Variants in TRIB1 observed in about 807,000 individuals in gnomAD.
TRIB1 encodes the protein tribbles homolog 1.
In TRIB1, 12 loss-of-function variants were observed where a neutral mutation model predicts 27.8. That is an observed-to-expected ratio of 0.43 (90% confidence interval 0.28 to 0.70). The LOEUF (loss-of-function observed/expected upper bound fraction) is 0.70, where lower values mean the gene tolerates loss of function less well. TRIB1 is among the 30% of genes least tolerant of loss of function. TRIB1 has a pLI of 0.18. For missense variants in TRIB1, 475 were observed against 515.8 expected, an observed-to-expected ratio of 0.92 and a Z score of 0.77; for synonymous variants, 230 against 224.9, an observed-to-expected ratio of 1.02 and a Z score of -0.20.
chr8:125,436,760 C>A lies in TRIB1; in HGVS notation c.*289C>A. 2 of 478,616 alleles carry A rather than the reference C, an allele frequency of 4.2e-6. No homozygotes were observed. The highest frequency in any genetic ancestry group is 2.8e-5 in the South Asian group (1 of 35,962). 29.6% of individuals were successfully genotyped at this position (478,616 alleles called of 1,614,324 possible). ...TCTTTTGTGGAGGGCAGAGTATGGA[C>A]ATCTTACACCCGGTGGTCAAGTGTG... On this transcript the variant is annotated 3_prime_UTR_variant, in exon 3 of 3. Transcript: ENST00000311922.
Position 125,437,445 on chromosome 8 carries a change from G to A in TRIB1, c.*974G>A, listed in dbSNP as rs1814775021. 6.6e-6 allele frequency: 1 copy of A among 152,334 alleles called. No homozygotes were observed. The highest frequency in any genetic ancestry group is 2.1e-4 in the South Asian group (1 of 4,830). The allele number at this position is 152,334 out of a possible 1,614,324, so 9.4% of individuals were successfully genotyped here. The stretch of plus-strand genomic sequence containing the variant: ...CTTTGAAGAGAGTGAATTTTGGATA[G>A]TCTTGTGATTCTCAGACTAACTTCC... On this transcript the variant is annotated 3_prime_UTR_variant, in exon 3 of 3. Transcript: ENST00000311922.
In TRIB1 at chr8:125,437,458, C is replaced by T. The variant is rs955041088; in HGVS notation, c.*987C>T. 1.3e-5 allele frequency: 2 copies of T among 152,314 alleles called. No individual in the cohort carries two copies. The highest frequency in any genetic ancestry group is 4.8e-5 in the African/African-American group (2 of 41,438). The allele number at this position is 152,314 out of a possible 1,614,324, so 9.4% of individuals were successfully genotyped here. ...GAATTTTGGATAGTCTTGTGATTCTCAGACTAACTTCCAGAATTATACTTT... is the reference window on the plus strand; with the variant it reads ...GAATTTTGGATAGTCTTGTGATTCTTAGACTAACTTCCAGAATTATACTTT... On this transcript the variant is annotated 3_prime_UTR_variant, in exon 3 of 3. Coordinates refer to ENST00000311922, the MANE Select transcript of TRIB1 (RefSeq NM_025195.4).
rs1814757534 is a variant in TRIB1, at chr8:125,436,681, G to T, written c.*210G>T. 2 of 610,182 alleles carry T rather than the reference G, an allele frequency of 3.3e-6. No homozygotes were observed. The highest frequency in any genetic ancestry group is 5.7e-6 in the Non-Finnish European group (2 of 350,552). 37.8% of individuals were successfully genotyped at this position (610,182 alleles called of 1,614,324 possible). ...CTGTGATTGGCTGCCCTGCAAATTTGTTTCCCTTAAGGAACCCTCACCAAC... is the reference window on the plus strand; with the variant it reads ...CTGTGATTGGCTGCCCTGCAAATTTTTTTCCCTTAAGGAACCCTCACCAAC... On this transcript the variant is annotated 3_prime_UTR_variant, in exon 3 of 3. Coordinates refer to ENST00000311922, the MANE Select transcript of TRIB1 (RefSeq NM_025195.4).
At chr8:125,432,249 G>C in intron 1 of TRIB1, 1 of 982,288 alleles carries the variant, frequency 1.0e-6, no homozygotes, top group Non-Finnish European at 1.2e-6. Flanking sequence ...GCATGATCAA[G>C]CCCAGTTTAA....
chr8:125,434,107 A>G (rs1048859095), intron 2 of TRIB1, among the ~76,000 whole-genome samples: 1 of 152,212 alleles, frequency 6.6e-6, no homozygotes, highest in Admixed American at 6.5e-5. Flanking sequence ...GTAACATCAC[A>G]TTCTCTGGTG....
In TRIB1 at chr8:125,433,274, T is replaced by G; in HGVS notation, c.361-43T>G. Reference sequence around the variant, plus strand: ...CCCTCAGGGGTTTGGGAGGCTGCCTTTGCTTTTCTAGCCCCCTAAACGGGC... The same window carrying G: ...CCCTCAGGGGTTTGGGAGGCTGCCTGTGCTTTTCTAGCCCCCTAAACGGGC... On this transcript the variant is annotated intron_variant, in intron 1 of 2. Coordinates refer to ENST00000311922, the MANE Select transcript of TRIB1 (RefSeq NM_025195.4). This position sits in a 1 kb window ranked among gnomAD's most constrained non-coding sequence, Gnocchi z 4.4. 1 of 1,586,752 alleles carries G rather than the reference T, an allele frequency of 6.3e-7. No homozygotes were observed.
chr8:125,435,895 T>C, intron 2 of TRIB1, 111 bp from the exon 3 acceptor site: 1 of 887,518 alleles, frequency 1.1e-6, no homozygotes, highest in East Asian at 2.6e-5. Context: ...AAGGGGTAAA[T>C]AGCATTCCTG....
intron 1 of TRIB1, chr8:125,432,334 T>C: frequency 2.1e-6 from 1 of 473,720 alleles, no homozygotes; most frequent in Non-Finnish European, 2.7e-6. Flanking sequence ...TGTATGTGTG[T>C]GTGGTGGGAT....
Position 125,433,867 on chromosome 8 carries a change from A to G in TRIB1, c.653+258A>G, listed in dbSNP as rs1024752449. ...CAGGGTGCTCTTCCTCTCCTACCCC[A>G]GGATCAGGTTCATTCCCCATTGTTG... On this transcript the variant is annotated intron_variant, in intron 2 of 2. Coordinates refer to ENST00000311922, the MANE Select transcript of TRIB1 (RefSeq NM_025195.4). This position sits in a 1 kb window ranked among gnomAD's most constrained non-coding sequence, Gnocchi z 4.4. The G allele has an allele frequency of 2.1e-6, 1 of 476,928 alleles. No individual in the cohort carries two copies. The highest frequency in any genetic ancestry group is 3.8e-6 in the Non-Finnish European group (1 of 264,162). The allele number at this position is 476,928 out of a possible 1,614,324, so 29.5% of individuals were successfully genotyped here. A position where few individuals can be genotyped will look rare whatever the true frequency, so the allele number is the denominator to read the frequency against.
At position 125,436,314 on chromosome 8, in the gene TRIB1, G is replaced by A. The variant is rs367629272; in HGVS notation, c.962G>A (p.Arg321Gln). 22 of 1,613,664 alleles carry A rather than the reference G, an allele frequency of 1.4e-5. No homozygotes were observed. Among genetic ancestry groups the A allele is most frequent in the African/African-American group, 4.0e-5 (3 of 74,804 alleles). ...TGCCTCATTCGCAGCCTCTTGAGAC[G>A]GGAGCCCTCCGAGAGACTCACTGCC... ...ARCLIRSLLR[R>Q]EPSERLTAPE... Residue 321 changes from arginine (R) to glutamine (Q), a missense_variant, in exon 3 of 3, where the codon CGG becomes CAG. Transcript: ENST00000311922.
chr8:125,431,372 G>A (rs1010087386), intron 1 of TRIB1, 110 bp downstream of exon 1: 23 of 1,150,110 alleles, frequency 2.0e-5, no homozygotes, highest in Non-Finnish European at 2.3e-5. Flanking sequence ...GGGCGGATCA[G>A]TAGATTGGGT....
Position 125,431,186 on chromosome 8 carries a change from T to C in TRIB1, c.284T>C (p.Leu95Pro). 7.7e-7 allele frequency: 1 copy of C among 1,296,112 alleles called. No homozygotes were observed. Among genetic ancestry groups the C allele is most frequent in the Non-Finnish European group, 9.7e-7 (1 of 1,026,176 alleles). 80.3% of individuals were successfully genotyped at this position (1,296,112 alleles called of 1,614,324 possible). The change falls in exon 1 of 3, where the codon CTG (leucine) becomes CCG (proline). Residue 95 changes from leucine to proline, a missense_variant. Physicochemically the swap from Leu to Pro is moderately conservative, Grantham distance 98. Coordinates refer to ENST00000311922, the MANE Select transcript of TRIB1 (RefSeq NM_025195.4). Reference sequence around the variant, plus strand: ...GGGCCCAGCCGCATCGCCGACTACCTGCTGCTGCCCCTAGCCGAGCGCGAG... The same window carrying C: ...GGGCCCAGCCGCATCGCCGACTACCCGCTGCTGCCCCTAGCCGAGCGCGAG... ...APGPSRIADYLLLPLAEREHV... is the reference protein window; with the variant it reads ...APGPSRIADYPLLPLAEREHV...
chr8:125,432,664 G>C lies in TRIB1; in HGVS notation c.361-653G>C, dbSNP rs551034451. 1.6e-3 allele frequency among the ~76,000 whole-genome samples: 237 copies of C among 151,668 alleles called. 1 individual carries two copies. The highest frequency in any genetic ancestry group is 2.7e-3 in the Non-Finnish European group (182 of 67,778). On this transcript the variant is annotated intron_variant, in intron 1 of 2. Transcript: ENST00000311922. ...AAACAAGTGGAAAACCCATTCGCAG[G>C]ATTCCATACCCTTCCTGTGAGAATT...
In TRIB1 at chr8:125,436,756, T is replaced by C; in HGVS notation, c.*285T>C. 1 of 498,262 alleles carries C rather than the reference T, an allele frequency of 2.0e-6. No individual in the cohort carries two copies. The highest frequency in any genetic ancestry group is 3.4e-5 in the East Asian group (1 of 29,084). The allele number at this position is 498,262 out of a possible 1,614,324, so 30.9% of individuals were successfully genotyped here. A position where few individuals can be genotyped will look rare whatever the true frequency, so the allele number is the denominator to read the frequency against. ...CGCATCTTTTGTGGAGGGCAGAGTATGGACATCTTACACCCGGTGGTCAAG... is the reference window on the plus strand; with the variant it reads ...CGCATCTTTTGTGGAGGGCAGAGTACGGACATCTTACACCCGGTGGTCAAG... On this transcript the variant is annotated 3_prime_UTR_variant, in exon 3 of 3. Transcript: ENST00000311922.
chr8:125,432,184 C>A (rs1054567639), intron 1 of TRIB1: 5 of 947,342 alleles, frequency 5.3e-6, no homozygotes, highest in Non-Finnish European at 5.0e-6. Context: ...CACCCCGACC[C>A]CGTCCCGGGG....
rs759496428 is a variant in TRIB1, at chr8:125,433,859, C to T, written c.653+250C>T. Reference sequence around the variant, plus strand: ...AGTGTTGACAGGGTGCTCTTCCTCTCCTACCCCAGGATCAGGTTCATTCCC... The same window carrying T: ...AGTGTTGACAGGGTGCTCTTCCTCTTCTACCCCAGGATCAGGTTCATTCCC... On this transcript the variant is annotated intron_variant, in intron 2 of 2. Transcript: ENST00000311922. This position sits in a 1 kb window ranked among gnomAD's most constrained non-coding sequence, Gnocchi z 4.4. The T allele has an allele frequency of 6.1e-6, 3 of 491,470 alleles. No individual in the cohort carries two copies. The highest frequency in any genetic ancestry group is 2.9e-5 in the South Asian group (1 of 34,382). The allele number at this position is 491,470 out of a possible 1,614,324, so 30.4% of individuals were successfully genotyped here.
intron 1 of TRIB1, chr8:125,432,120 C>G (rs1049648091): frequency 5.1e-6 from 2 of 391,114 alleles, no homozygotes; most frequent in Non-Finnish European, 7.0e-6. Flanking sequence ...AAGATAGGAT[C>G]ACCCCCCAGT....
In TRIB1 at chr8:125,430,766, G is replaced by A; in HGVS notation, c.-137G>A. On this transcript the variant is annotated 5_prime_UTR_variant, in exon 1 of 3. Coordinates refer to ENST00000311922, the MANE Select transcript of TRIB1 (RefSeq NM_025195.4). ...GAGTGGCTCCTGCTTTGCCCCTCGT[G>A]GGGGCCGAGCCAAGACCAGTCTGCA... The A allele has an allele frequency of 8.5e-7, 1 of 1,173,000 alleles. No homozygotes were observed. The highest frequency in any genetic ancestry group is 1.1e-6 in the Non-Finnish European group (1 of 912,892). The allele number at this position is 1,173,000 out of a possible 1,614,324, so 72.7% of individuals were successfully genotyped here.
chr8:125,433,586 G>A lies in TRIB1; in HGVS notation c.630G>A (p.Lys210=). 1.9e-6 allele frequency: 3 copies of A among 1,609,814 alleles called. No homozygotes were observed. Among genetic ancestry groups the A allele is most frequent in the Non-Finnish European group, 1.7e-6 (2 of 1,176,690 alleles). The change falls in exon 2 of 3, where the codon AAG becomes AAA. Residue 210 remains lysine, a synonymous_variant. Transcript: ENST00000311922. This position sits in a 1 kb window ranked among gnomAD's most constrained non-coding sequence, Gnocchi z 4.4. ...TGCTGGGGGACCTGAAGCTTAGGAAGTTCGTCTTCTCCACGGAGGAGAGGT... is the reference window on the plus strand; with the variant it reads ...TGCTGGGGGACCTGAAGCTTAGGAAATTCGTCTTCTCCACGGAGGAGAGGT... ...AIVLGDLKLR[K]FVFSTEERTQ... is the part of the protein sequence containing the mutation.
Sources: allele counts gnomAD v4.1 joint callset (sites outside exome capture counted in the v4.1 genomes callset), GRCh38; gene constraint gnomAD v4.1.1; non-coding constraint Gnocchi (gnomAD v3.1); transcripts MANE v1.5; gene names NCBI Gene and HGNC (gene_info 2026-07-23, HGNC 2026-07-21).